PSEN1: variants seen among roughly 807,000 people sequenced by gnomAD.
PSEN1 encodes the protein presenilin-1.
In PSEN1, 15 loss-of-function variants were observed where a neutral mutation model predicts 53.5. The observed-to-expected ratio is 0.28, with a 90% CI of 0.19 to 0.43. PSEN1 has a LOEUF of 0.43. Among genes scored for constraint, PSEN1 ranks in the 20% least tolerant of loss-of-function variants. PSEN1 has a pLI of 1.00. For synonymous variants in PSEN1, 208 were observed against 209.8 expected, an observed-to-expected ratio of 0.99 and a Z score of 0.08; for missense variants, 387 against 571.2, an observed-to-expected ratio of 0.68 and a Z score of 3.29.
At chr14:73,191,631 C>CT (rs1898721907) in intron 6 of PSEN1, among the ~76,000 whole-genome samples, 1 of 152,070 alleles carries the variant, frequency 6.6e-6, no homozygotes, top group Admixed American at 6.6e-5. Context: ...CACACAGCCT[C>CT]TAACTCCCAG....
intron 5 of PSEN1, among the ~76,000 whole-genome samples, chr14:73,180,073 C>T (rs1204466936): frequency 1.3e-5 from 2 of 152,120 alleles, no homozygotes; most frequent in African/African-American, 4.8e-5. Flanking sequence ...CAACCTCCGC[C>T]TCCTGGGTTC....
intron 1 of PSEN1, among the ~76,000 whole-genome samples, chr14:73,147,245 A>G (rs1897099450): frequency 6.6e-6 from 1 of 152,048 alleles, no homozygotes; most frequent in Admixed American, 6.6e-5. Context: ...TGGCCTCCCA[A>G]AGTGCTGGGA....
chr14:73,202,442 A>T (rs1432340599), intron 8 of PSEN1, among the ~76,000 whole-genome samples: 2 of 15,344 alleles, frequency 1.3e-4, no homozygotes, highest in African/African-American at 7.1e-4. Flanking sequence ...ATATATATAT[A>T]TATATATATA....
At position 73,148,037 on chromosome 14, in the gene PSEN1, A is replaced by G. The variant is rs759499223; in HGVS notation, c.18A>G (p.Ala6=). 3.7e-6 allele frequency: 6 copies of G among 1,613,752 alleles called. No individual in the cohort carries two copies. In the East Asian group the frequency reaches 6.7e-5, roughly 18 times the overall value. Residue 6 remains alanine (A), a synonymous_variant, in exon 3 of 12, where the codon GCA becomes GCG. Transcript: ENST00000324501. The part of the protein sequence containing the change: MTELP[A]PLSYFQNAQM... ...TTGCTCCAATGACAGAGTTACCTGC[A>G]CCGTTGTCCTACTTCCAGAATGCAC...
rs530235019 is a variant in PSEN1 at position 73,143,988 on chromosome 14, T to TAA, written c.-135-3781_-135-3780dup. Among the ~76,000 whole-genome samples the TAA allele has an allele frequency of 3.8e-3, 202 of 53,194 alleles. 3 individuals are homozygous for TAA. The highest frequency in any genetic ancestry group is 4.5e-3 in the Non-Finnish European group (149 of 33,328). 34.9% of individuals were successfully genotyped at this position (53,194 alleles called of 152,430 possible). ...GGTGACAGAGTGAGACCTTGTCTCT[T>TAA]AAAAAAAAAAAAAAAAAAAAAAAAA... On this transcript the variant is annotated intron_variant, in intron 1 of 11. Transcript: ENST00000324501.
intron 1 of PSEN1, among the ~76,000 whole-genome samples, chr14:73,143,092 C>T (rs553263464): frequency 6.6e-6 from 1 of 152,294 alleles, no homozygotes; most frequent in Admixed American, 6.5e-5. Flanking sequence ...TGTCTTTTGC[C>T]ACGCTGCCTG....
intron 5 of PSEN1, among the ~76,000 whole-genome samples, chr14:73,182,324 A>T: frequency 6.9e-6 from 1 of 145,362 alleles, no homozygotes; most frequent in South Asian, 2.2e-4. Context: ...CTACAAAAAG[A>T]AAAAAAAAAA....
At chr14:73,182,957 T>C (rs1345224361) in intron 5 of PSEN1, among the ~76,000 whole-genome samples, 1 of 152,220 alleles carries the variant, frequency 6.6e-6, no homozygotes, top group Non-Finnish European at 1.5e-5. Flanking sequence ...AATTATTTAA[T>C]ATTTACTCTG....
chr14:73,214,960 T>C (rs989810940), intron 10 of PSEN1, among the ~76,000 whole-genome samples: 8 of 152,156 alleles, frequency 5.3e-5, no homozygotes, highest in Middle Eastern at 3.4e-3. Context: ...CACAGTTAAA[T>C]TTTTATTATT....
chr14:73,153,781 C>T (rs939768920), intron 3 of PSEN1, among the ~76,000 whole-genome samples: 4 of 145,626 alleles, frequency 2.7e-5, no homozygotes, highest in Non-Finnish European at 3.0e-5. Context: ...TGTGCGATCT[C>T]GGCTCACTGC....
In PSEN1 at chr14:73,170,949, G is replaced by A. The variant is rs200600659; in HGVS notation, c.240G>A (p.Lys80=). 27 of 1,614,124 alleles carry A rather than the reference G, an allele frequency of 1.7e-5. No individual in the cohort carries two copies. Among genetic ancestry groups the A allele is most frequent in the Non-Finnish European group, 2.2e-5 (26 of 1,180,056 alleles). Residue 80 remains lysine, a synonymous_variant, in exon 4 of 12, where the codon AAG becomes AAA. Transcript: ENST00000324501. The stretch of plus-strand genomic sequence containing the variant: ...AGCTGACATTGAAATATGGCGCCAA[G>A]CATGTGATCATGCTCTTTGTCCCTG... ...DEELTLKYGA[K]HVIMLFVPVT...
intron 5 of PSEN1, among the ~76,000 whole-genome samples, chr14:73,184,840 C>T (rs1898423519): frequency 6.6e-6 from 1 of 151,858 alleles, no homozygotes; most frequent in Non-Finnish European, 1.5e-5. Context: ...GGGCTCCTCA[C>T]TTCCCAGACG....
chr14:73,163,458 C>G (rs1321042519), intron 3 of PSEN1, among the ~76,000 whole-genome samples: 1 of 152,172 alleles, frequency 6.6e-6, no homozygotes, highest in Admixed American at 6.6e-5. Context: ...AGGAGTCATT[C>G]ATTAATTAAC....
intron 3 of PSEN1, among the ~76,000 whole-genome samples, chr14:73,169,655 A>G (rs1897827593): frequency 6.7e-6 from 1 of 148,716 alleles, no homozygotes; most frequent in East Asian, 1.9e-4. Context: ...CACTTATTCA[A>G]CCTTACCAAT....
chr14:73,165,784 G>A (rs186635755), intron 3 of PSEN1, among the ~76,000 whole-genome samples: 1,618 of 150,602 alleles, frequency 0.011, 15 homozygotes, highest in Non-Finnish European at 0.019. Context: ...GTGGCCGGGC[G>A]CGGTGGCTCA....
intron 8 of PSEN1, among the ~76,000 whole-genome samples, chr14:73,200,800 C>T (rs1899148299): frequency 6.6e-6 from 1 of 152,018 alleles, no homozygotes; most frequent in South Asian, 2.1e-4. Context: ...CCTGTAATCC[C>T]AGCACTTTGG....
At chr14:73,185,568 A>T (rs994062966) in intron 5 of PSEN1, among the ~76,000 whole-genome samples, 7 of 152,184 alleles carry the variant, frequency 4.6e-5, no homozygotes, top group African/African-American at 4.8e-5. Context: ...TCGGCTCAGC[A>T]TGAGAGGGAG....
At chr14:73,207,218 C>T (rs774382919) in intron 9 of PSEN1, among the ~76,000 whole-genome samples, 1 of 151,418 alleles carries the variant, frequency 6.6e-6, no homozygotes, top group Admixed American at 6.6e-5. Context: ...AAGGATACTA[C>T]AGAACATATT....
chr14:73,173,155 A>T (rs979313482), intron 4 of PSEN1, among the ~76,000 whole-genome samples: 1 of 152,200 alleles, frequency 6.6e-6, no homozygotes, highest in Non-Finnish European at 1.5e-5. Flanking sequence ...TCTGCAGATG[A>T]GAGGCACTAA....
Sources: allele counts gnomAD v4.1 joint callset (sites outside exome capture counted in the v4.1 genomes callset), GRCh38; gene constraint gnomAD v4.1.1; transcripts MANE v1.5; gene names NCBI Gene and HGNC (gene_info 2026-07-23, HGNC 2026-07-21).